ZNF43: variants seen among roughly 807,000 people sequenced by gnomAD.
ZNF43 encodes the protein zinc finger protein 43.
In ZNF43, 44 loss-of-function variants were observed where a neutral mutation model predicts 68.4. That is an observed-to-expected ratio of 0.64 (90% CI 0.51 to 0.83). ZNF43 has a LOEUF of 0.83. Ranked by LOEUF, ZNF43 falls within the 40% of genes least tolerant of loss-of-function variation. ZNF43 has a pLI of 0.00. For synonymous variants in ZNF43, 308 were observed against 307.8 expected (o/e 1.00, Z -0.01); for missense variants, 896 against 933.2 (o/e 0.96, Z 0.52).
upstream of ZNF43, chr19:21,840,658 T>C (rs1363046945): frequency 6.6e-6 from 1 of 152,224 alleles, no homozygotes; most frequent in Non-Finnish European, 1.5e-5. Context: ...TGTGTTCATG[T>C]GGAAAGTTGT....
intron 1 of ZNF43, among the ~76,000 whole-genome samples, chr19:21,834,074 A>G (rs2038562789): frequency 6.6e-6 from 1 of 152,010 alleles, no homozygotes; most frequent in Non-Finnish European, 1.5e-5. Flanking sequence ...AGGGAAAACA[A>G]AAAGAAAAAA....
At chr19:21,829,032 CAAAAAAAAAAAAAAAA>C (rs551226809) in intron 1 of ZNF43, among the ~76,000 whole-genome samples, 2 of 38,808 alleles carry the variant, frequency 5.2e-5, no homozygotes, top group African/African-American at 1.8e-4. Flanking sequence ...GACTCTGTCT[CAAAAAAAAAAAAAAAA>C]AAAAAAAAAA....
chr19:21,821,007 T>G (rs2037813467), intron 1 of ZNF43, among the ~76,000 whole-genome samples: 1 of 151,770 alleles, frequency 6.6e-6, no homozygotes, highest in Non-Finnish European at 1.5e-5. Flanking sequence ...CTAATTTTCT[T>G]GTGTTTTTAG....
At chr19:21,844,149 C>T (rs1032184810) in intron 1 of ZNF43, among the ~76,000 whole-genome samples, 4 of 151,882 alleles carry the variant, frequency 2.6e-5, no homozygotes, top group African/African-American at 7.3e-5. Flanking sequence ...GCAGGTGGAT[C>T]ATGAGGTCAG....
chr19:21,819,654 T>G (rs530919088), intron 1 of ZNF43, among the ~76,000 whole-genome samples: 1 of 152,308 alleles, frequency 6.6e-6, no homozygotes, highest in East Asian at 1.9e-4. Flanking sequence ...TCAGAAGATC[T>G]GGAATAAAGT....
At chr19:21,822,531 C>A (rs1347100799) in intron 1 of ZNF43, among the ~76,000 whole-genome samples, 2 of 152,128 alleles carry the variant, frequency 1.3e-5, no homozygotes, top group East Asian at 1.9e-4. Context: ...CGTGGCCGGG[C>A]GCGGTGGCTC....
chr19:21,842,660 A>C (rs1014934658), intron 1 of ZNF43, among the ~76,000 whole-genome samples: 3 of 152,196 alleles, frequency 2.0e-5, no homozygotes, highest in Non-Finnish European at 4.4e-5. Context: ...GTTATATGGC[A>C]CAATCACCCC....
intron 1 of ZNF43, among the ~76,000 whole-genome samples, chr19:21,823,656 C>T (rs1409874860): frequency 1.4e-5 from 2 of 146,602 alleles, no homozygotes; most frequent in African/African-American, 5.1e-5. Context: ...TCTCAGCTCA[C>T]TGCAACCTCC....
In ZNF43 at chr19:21,808,288, T is replaced by G; in HGVS notation, c.1749A>C (p.Thr583=). Residue 583 remains threonine, a synonymous_variant, in exon 4 of 4, where the codon ACA becomes ACC. Coordinates refer to ENST00000354959, the MANE Select transcript of ZNF43 (RefSeq NM_003423.4). ...TCTCTCCAGTATGAATTTTCTTATGTGTAGTAAGGTTTGAGGATTGGGTAA... is the reference window on the plus strand; with the variant it reads ...TCTCTCCAGTATGAATTTTCTTATGGGTAGTAAGGTTTGAGGATTGGGTAA... ...KAFTQSSNLT[T]HKKIHTGEKF... The G allele has an allele frequency of 6.2e-7, 1 of 1,613,624 alleles. No homozygotes were observed. The highest frequency in any genetic ancestry group is 8.5e-7 in the Non-Finnish European group (1 of 1,179,878).
At chr19:21,821,690 C>G (rs909918542) in intron 1 of ZNF43, among the ~76,000 whole-genome samples, 1 of 148,046 alleles carries the variant, frequency 6.8e-6, no homozygotes. Flanking sequence ...TTCTGCATGG[C>G]ATATTAGAAG....
chr19:21,829,635 C>A (rs2038326083), intron 1 of ZNF43, among the ~76,000 whole-genome samples: 1 of 151,900 alleles, frequency 6.6e-6, no homozygotes, highest in African/African-American at 2.4e-5. Flanking sequence ...TTCAAAAAAG[C>A]AATAAAAATA....
chr19:21,819,920 C>A (rs12981895), intron 1 of ZNF43, among the ~76,000 whole-genome samples: 2 of 151,802 alleles, frequency 1.3e-5, no homozygotes, highest in Non-Finnish European at 2.9e-5. Context: ...ATAATATGGC[C>A]GGGCATGGTG....
At chr19:21,849,208 G>C (rs1414566661) in intron 1 of ZNF43, among the ~76,000 whole-genome samples, 3 of 152,140 alleles carry the variant, frequency 2.0e-5, no homozygotes, top group Non-Finnish European at 4.4e-5. Context: ...TGGTAATTTG[G>C]CTGGGCACGG....
chr19:21,845,907 A>AT (rs398034262), intron 1 of ZNF43, among the ~76,000 whole-genome samples: 1 of 151,040 alleles, frequency 6.6e-6, no homozygotes, highest in African/African-American at 2.4e-5. Context: ...AAAAAAAAAA[A>AT]GGATGCAGGG....
chr19:21,822,229 G>T (rs1452221441), intron 1 of ZNF43, among the ~76,000 whole-genome samples: 1 of 152,254 alleles, frequency 6.6e-6, no homozygotes, highest in Non-Finnish European at 1.5e-5. Flanking sequence ...GGAAATATGG[G>T]CCACACTGTC....
chr19:21,851,525 G>C (rs1968356751), intron 1 of ZNF43, among the ~76,000 whole-genome samples: 1 of 121,244 alleles, frequency 8.2e-6, no homozygotes, highest in African/African-American at 3.5e-5. Flanking sequence ...GGGCGACATA[G>C]CAAGATTCCC....
chr19:21,833,234 G>A (rs1488776469), intron 1 of ZNF43, among the ~76,000 whole-genome samples: 6 of 151,980 alleles, frequency 3.9e-5, no homozygotes, highest in South Asian at 2.1e-4. Flanking sequence ...CTCACTCTGG[G>A]AAAGAGAAAG....
At chr19:21,832,074 A>C (rs1439661171) in intron 1 of ZNF43, among the ~76,000 whole-genome samples, 1 of 152,216 alleles carries the variant, frequency 6.6e-6, no homozygotes, top group Admixed American at 6.5e-5. Flanking sequence ...CTAAATACCC[A>C]AGGCATTCCT....
At chr19:21,831,546 A>G (rs1036772244) in intron 1 of ZNF43, among the ~76,000 whole-genome samples, 7 of 152,002 alleles carry the variant, frequency 4.6e-5, no homozygotes, top group Admixed American at 2.6e-4. Flanking sequence ...ATTTTAGTAG[A>G]GACAGGGTTT....
Sources: gnomAD v4.1 joint callset for allele counts (sites outside exome capture counted in the v4.1 genomes callset) on GRCh38, gnomAD v4.1.1 for gene constraint, MANE v1.5 for transcripts, NCBI Gene and HGNC (gene_info 2026-07-23, HGNC 2026-07-21) for gene names.